The following PCBP3 variants were observed in gnomAD, a reference collection of about 807,000 sequenced individuals.
PCBP3 encodes the protein poly(rC) binding protein 3.
Under a neutral mutation model 52.7 loss-of-function variants are expected in PCBP3, and 25 were observed. The observed-to-expected ratio is 0.47, with a 90% CI of 0.35 to 0.66. The LOEUF (loss-of-function observed/expected upper bound fraction) is 0.66, where lower values mean the gene tolerates loss of function less well. Ranked by LOEUF, PCBP3 falls within the 30% of genes least tolerant of loss-of-function variation. The pLI is 0.01. For synonymous variants in PCBP3, 162 were observed against 183.0 expected (o/e 0.89, Z 0.93); for missense variants, 391 against 490.3 (o/e 0.80, Z 1.91).
intron 4 of PCBP3, among the ~76,000 whole-genome samples, chr21:45,797,957 TAGAG>T (rs2092069620): frequency 2.9e-4 from 4 of 13,874 alleles, no homozygotes; most frequent in South Asian, 2.1e-3. Context: ...CATGGATCCA[TAGAG>T]AGAGTGAATG....
At chr21:45,850,897 C>T (rs2093970410) in intron 5 of PCBP3, among the ~76,000 whole-genome samples, 2 of 152,148 alleles carry the variant, frequency 1.3e-5, no homozygotes, top group Middle Eastern at 3.4e-3. Context: ...GAATAGCTTA[C>T]ATAAATAATA....
chr21:45,687,080 C>T (rs1273366721), intron 2 of PCBP3, among the ~76,000 whole-genome samples: 1 of 152,022 alleles, frequency 6.6e-6, no homozygotes, highest in East Asian at 1.9e-4. Flanking sequence ...ATTGAGGCCC[C>T]AAAGTGTAGG....
chr21:45,935,438 A>G (rs1437952978), intron 16 of PCBP3, 133 bp downstream of exon 16: 1 of 718,870 alleles, frequency 1.4e-6, no homozygotes, highest in African/African-American at 1.7e-5. Context: ...CCACTGTTTG[A>G]TCTGTGTCCT....
At chr21:45,826,902 C>T (rs1041735085) in intron 4 of PCBP3, among the ~76,000 whole-genome samples, 1 of 152,136 alleles carries the variant, frequency 6.6e-6, no homozygotes, top group African/African-American at 2.4e-5. Flanking sequence ...GCCACAGCCT[C>T]CCCCGAGTCA....
intron 3 of PCBP3, among the ~76,000 whole-genome samples, chr21:45,740,474 G>A (rs2086344686): frequency 6.6e-6 from 1 of 152,262 alleles, no homozygotes; most frequent in Admixed American, 6.5e-5. Flanking sequence ...CAGGCAAGAT[G>A]TTTTTAAAGG....
intron 4 of PCBP3, among the ~76,000 whole-genome samples, chr21:45,771,743 C>G (rs1157527485): frequency 6.6e-6 from 1 of 151,930 alleles, no homozygotes; most frequent in Non-Finnish European, 1.5e-5. Flanking sequence ...CAGTATTTTA[C>G]TGGAGGTTCT....
At chr21:45,676,301 T>C (rs1224426227) in intron 2 of PCBP3, among the ~76,000 whole-genome samples, 1 of 152,198 alleles carries the variant, frequency 6.6e-6, no homozygotes, top group Non-Finnish European at 1.5e-5. Context: ...GGAAAACTTG[T>C]ATCTGTCATG....
chr21:45,722,244 T>C (rs2084701994), intron 2 of PCBP3, among the ~76,000 whole-genome samples: 1 of 152,182 alleles, frequency 6.6e-6, no homozygotes, highest in Non-Finnish European at 1.5e-5. Context: ...AAGTCAGTAA[T>C]GTATGTAAAA....
At chr21:45,898,282 C>T (rs1490622710) in intron 6 of PCBP3, among the ~76,000 whole-genome samples, 1 of 151,798 alleles carries the variant, frequency 6.6e-6, no homozygotes, top group Non-Finnish European at 1.5e-5. Flanking sequence ...CCTCCCTCCA[C>T]GGGCCCCTCT....
intron 3 of PCBP3, chr21:45,751,647 G>A (rs1267893246): frequency 6.6e-6 from 1 of 152,276 alleles, no homozygotes; most frequent in Non-Finnish European, 1.5e-5. Flanking sequence ...TTGTGTTTGT[G>A]TGTGACTGTA....
rs1165534604 is a variant in PCBP3, at chr21:45,928,145, C to A, written c.718-1772C>A. Among the ~76,000 whole-genome samples the A allele has an allele frequency of 6.6e-6, 1 of 152,250 alleles. No homozygotes were observed. Among genetic ancestry groups the A allele is most frequent in the East Asian group, 1.9e-4 (1 of 5,198 alleles). ...GATGCGCCTGCTTCCTCCTCCTGCC[C>A]CCGCAGGGCCTCGTGTATCTCCGGG... On this transcript the variant is annotated intron_variant, in intron 13 of 17. Coordinates refer to ENST00000681687, the MANE Select transcript of PCBP3 (RefSeq NM_001384156.1). The surrounding 1 kb of genome is among the most constrained non-coding windows in gnomAD (Gnocchi z 4.1).
chr21:45,919,830 TGTGTGTGCGC>T (rs768405001), intron 13 of PCBP3, among the ~76,000 whole-genome samples: 128 of 122,008 alleles, frequency 1.0e-3, no homozygotes, highest in African/African-American at 4.6e-3. Flanking sequence ...TGTGTGTGTG[TGTGTGTGCGC>T]GCGCGCGTGC....
chr21:45,698,636 G>A (rs1464271320), intron 2 of PCBP3, among the ~76,000 whole-genome samples: 1 of 152,206 alleles, frequency 6.6e-6, no homozygotes, highest in Non-Finnish European at 1.5e-5. Flanking sequence ...AGGAATGTGG[G>A]AGCCAAAAGG....
chr21:45,840,312 C>T (rs1303477772), intron 4 of PCBP3, among the ~76,000 whole-genome samples: 6 of 151,462 alleles, frequency 4.0e-5, no homozygotes, highest in Admixed American at 3.3e-4. Context: ...AAAAAATTAG[C>T]CAGGCATGGT....
chr21:45,683,457 C>A (rs1569112787), intron 2 of PCBP3, among the ~76,000 whole-genome samples: 1 of 152,054 alleles, frequency 6.6e-6, no homozygotes, highest in Non-Finnish European at 1.5e-5. Flanking sequence ...GTGAAAGAGA[C>A]TTTTAGGGTT....
intron 4 of PCBP3, among the ~76,000 whole-genome samples, chr21:45,765,987 T>C (rs896359161): frequency 2.0e-5 from 3 of 152,174 alleles, no homozygotes; most frequent in African/African-American, 4.8e-5. Flanking sequence ...GTCAGTGATG[T>C]TGGATGTGGG....
rs576203087 is a variant in PCBP3 at position 45,821,806 on chromosome 21, G to A, written c.-125-28155G>A. ...GTACTGGAGCTCCAGGTCATGGGAG[G>A]CAGCAGAGCCCAGCCCTGGCCCTTC... On this transcript the variant is annotated intron_variant, in intron 4 of 17. Coordinates refer to ENST00000681687, the MANE Select transcript of PCBP3 (RefSeq NM_001384156.1). The surrounding 1 kb of genome is among the most constrained non-coding windows in gnomAD (Gnocchi z 4.4). Among the ~76,000 whole-genome samples the A allele has an allele frequency of 2.0e-5, 3 of 152,204 alleles. No homozygotes were observed. Among genetic ancestry groups the A allele is most frequent in the Non-Finnish European group, 4.4e-5 (3 of 68,044 alleles).
chr21:45,687,433 G>A (rs532475673), intron 2 of PCBP3, among the ~76,000 whole-genome samples: 1 of 152,264 alleles, frequency 6.6e-6, no homozygotes, highest in South Asian at 2.1e-4. Flanking sequence ...CAGTGATGTT[G>A]TCAGGGCTGG....
At chr21:45,912,525 C>G (rs1289105377) in intron 11 of PCBP3, among the ~76,000 whole-genome samples, 2 of 152,168 alleles carry the variant, frequency 1.3e-5, no homozygotes, top group African/African-American at 2.4e-5. Context: ...CCCAGGGTGC[C>G]ATGAGTCTGG....
Sources: allele counts gnomAD v4.1 joint callset (sites outside exome capture counted in the v4.1 genomes callset), GRCh38; gene constraint gnomAD v4.1.1; non-coding constraint Gnocchi (gnomAD v3.1); transcripts MANE v1.5; gene names NCBI Gene and HGNC (gene_info 2026-07-23, HGNC 2026-07-21).